NCALD: variants seen among roughly 807,000 people sequenced by gnomAD.
NCALD encodes the protein neurocalcin-delta.
NCALD carries 10 observed loss-of-function variants against 18.6 expected under a neutral mutation model. The observed-to-expected ratio is 0.54, with a 90% CI of 0.33 to 0.91. NCALD has a LOEUF of 0.91. Among genes scored for constraint, NCALD ranks in the 40% least tolerant of loss-of-function variants. The probability of loss-of-function intolerance (pLI) is 0.03; values close to 1 mark genes in which losing one functional copy is unlikely to be tolerated. For missense variants in NCALD, 184 were observed against 247.6 expected (o/e 0.74, Z 1.72); for synonymous variants, 88 against 87.4 (o/e 1.01, Z -0.04).
intron 1 of NCALD, among the ~76,000 whole-genome samples, chr8:102,021,172 C>G (rs993960217): frequency 2.0e-5 from 3 of 152,216 alleles, no homozygotes; most frequent in Non-Finnish European, 4.4e-5. Context: ...TCTTTCACAG[C>G]TGGATCCTCA....
intron 4 of NCALD, among the ~76,000 whole-genome samples, chr8:101,852,230 G>A (rs1194657695): frequency 1.3e-5 from 2 of 152,156 alleles, no homozygotes; most frequent in South Asian, 2.1e-4. Context: ...AACTTTTCTC[G>A]AGGGAGTGAT....
intron 4 of NCALD, among the ~76,000 whole-genome samples, chr8:101,833,231 A>G (rs912568742): frequency 1.3e-5 from 2 of 152,150 alleles, no homozygotes; most frequent in African/African-American, 4.8e-5. Flanking sequence ...TCAGATTCTT[A>G]TTCAATAGAT....
chr8:101,985,435 A>G (rs982289465), intron 2 of NCALD, among the ~76,000 whole-genome samples: 1 of 152,248 alleles, frequency 6.6e-6, no homozygotes, highest in Non-Finnish European at 1.5e-5. Flanking sequence ...TAATGCAGCC[A>G]TAGACAGCCC....
intron 4 of NCALD, among the ~76,000 whole-genome samples, chr8:101,815,685 A>C (rs1813469829): frequency 1.3e-5 from 2 of 152,180 alleles, no homozygotes. Context: ...AGAAACTCTC[A>C]TTCACTGCTG....
intron 1 of NCALD, among the ~76,000 whole-genome samples, chr8:102,083,949 G>T (rs1422271491): frequency 6.6e-6 from 1 of 152,188 alleles, no homozygotes; most frequent in Non-Finnish European, 1.5e-5. Context: ...ATGTAACCTT[G>T]TGCATCATTT....
At chr8:101,910,958 G>A (rs1322017315) in intron 3 of NCALD, among the ~76,000 whole-genome samples, 1 of 152,150 alleles carries the variant, frequency 6.6e-6, no homozygotes, top group Non-Finnish European at 1.5e-5. Context: ...CTTGCTCTGA[G>A]CTTTCACTGA....
At chr8:101,818,806 G>C (rs1228352028) in intron 4 of NCALD, among the ~76,000 whole-genome samples, 2 of 152,060 alleles carry the variant, frequency 1.3e-5, no homozygotes, top group African/African-American at 2.4e-5. Context: ...AGGAGTTCAA[G>C]ACCAACTGGT....
In NCALD at chr8:101,958,680, C is replaced by T. The variant is rs554412191; in HGVS notation, c.-156-42822G>A. On this transcript the variant is annotated intron_variant, in intron 2 of 6. Coordinates refer to the NCALD transcript ENST00000311028. ...TCAACTGCTCTAGCAGAAGAGAAAACTGAGGACAAGGAGGCTAAATAACTC... is the reference window on the plus strand; with the variant it reads ...TCAACTGCTCTAGCAGAAGAGAAAATTGAGGACAAGGAGGCTAAATAACTC... Among the ~76,000 whole-genome samples, 8 of 152,132 alleles carry T rather than the reference C, an allele frequency of 5.3e-5. No homozygotes were observed. In the South Asian group the frequency reaches 8.3e-4, roughly 16 times the overall value.
At chr8:102,060,785 AT>A (rs1336388218) in intron 1 of NCALD, among the ~76,000 whole-genome samples, 1 of 152,144 alleles carries the variant, frequency 6.6e-6, no homozygotes, top group East Asian at 1.9e-4. Context: ...AAAAAAAAAA[AT>A]TCACTTCTTC....
chr8:101,979,214 A>G (rs4734607), intron 2 of NCALD, among the ~76,000 whole-genome samples: 23,886 of 152,168 alleles, frequency 0.16, 2,692 homozygotes, highest in African/African-American at 0.31. Flanking sequence ...TCAGGAGGGC[A>G]TCTTTCAGGT....
chr8:101,762,818 C>G (rs1375246683), intron 1 of NCALD, among the ~76,000 whole-genome samples: 1 of 152,042 alleles, frequency 6.6e-6, no homozygotes. Flanking sequence ...GTGATCCACC[C>G]GCCTTGGCCT....
At chr8:101,724,843 T>G (rs868676057) in intron 1 of NCALD, among the ~76,000 whole-genome samples, 3 of 152,228 alleles carry the variant, frequency 2.0e-5, no homozygotes, top group Non-Finnish European at 4.4e-5. Flanking sequence ...TTTAGCCCTA[T>G]GCTCTACTAG....
intron 1 of NCALD, among the ~76,000 whole-genome samples, chr8:101,726,339 A>G (rs532664282): frequency 1.4e-4 from 21 of 152,332 alleles, no homozygotes; most frequent in African/African-American, 5.1e-4. Context: ...GGGCAGAGCC[A>G]GGAAGACCAG....
intron 1 of NCALD, among the ~76,000 whole-genome samples, chr8:102,075,312 A>G (rs1563595458): frequency 6.6e-6 from 1 of 152,184 alleles, no homozygotes; most frequent in Admixed American, 6.5e-5. Flanking sequence ...CTATAAAACT[A>G]TAGGATTACA....
At chr8:101,995,966 C>A (rs948634602) in intron 2 of NCALD, among the ~76,000 whole-genome samples, 3 of 152,212 alleles carry the variant, frequency 2.0e-5, no homozygotes, top group African/African-American at 7.2e-5. Context: ...TGTTGAAATG[C>A]CCCACACCTC....
At chr8:102,075,470 G>T (rs1227445888) in intron 1 of NCALD, among the ~76,000 whole-genome samples, 2 of 152,106 alleles carry the variant, frequency 1.3e-5, no homozygotes, top group African/African-American at 4.8e-5. Flanking sequence ...ATGTGTGCTT[G>T]TATAATACTA....
At chr8:101,812,988 C>A (rs1284065720) in intron 4 of NCALD, among the ~76,000 whole-genome samples, 1 of 152,108 alleles carries the variant, frequency 6.6e-6, no homozygotes, top group Non-Finnish European at 1.5e-5. Context: ...AGATTTTCCA[C>A]CTCAGTTCAT....
intron 4 of NCALD, among the ~76,000 whole-genome samples, chr8:101,863,582 T>G (rs1190728140): frequency 6.6e-6 from 1 of 152,178 alleles, no homozygotes; most frequent in Non-Finnish European, 1.5e-5. Flanking sequence ...GATTGGAAAT[T>G]TAGAGATGCT....
chr8:101,964,753 A>C (rs1262496209), intron 2 of NCALD, among the ~76,000 whole-genome samples: 1 of 152,234 alleles, frequency 6.6e-6, no homozygotes. Flanking sequence ...ATTATCCATA[A>C]GGACAGTCAA....
Sources: allele counts gnomAD v4.1 joint callset (sites outside exome capture counted in the v4.1 genomes callset), GRCh38; gene constraint gnomAD v4.1.1; transcripts MANE v1.5; gene names NCBI Gene and HGNC (gene_info 2026-07-23, HGNC 2026-07-21).